CNTN1: variants seen among roughly 807,000 people sequenced by gnomAD.
CNTN1 encodes the protein contactin 1.
Under a neutral mutation model 126.4 loss-of-function variants are expected in CNTN1, and 38 were observed. The ratio of observed to expected loss-of-function variants is 0.30; its 90% CI spans 0.23 to 0.39. The LOEUF (loss-of-function observed/expected upper bound fraction) is 0.39, where lower values mean the gene tolerates loss of function less well. Among genes scored for constraint, CNTN1 ranks in the 10% least tolerant of loss-of-function variants. The pLI is 1.00. For synonymous variants in CNTN1, 413 were observed against 422.6 expected (o/e 0.98, Z 0.28); for missense variants, 1,009 against 1,248.4 (o/e 0.81, Z 2.89).
At chr12:40,778,911 TAGTC>T (rs1176913549) in intron 1 of CNTN1, among the ~76,000 whole-genome samples, 5 of 151,784 alleles carry the variant, frequency 3.3e-5, no homozygotes, top group African/African-American at 9.7e-5. Context: ...TTTTGGTTGA[TAGTC>T]AGGAAATTCC....
At chr12:40,878,407 G>A (rs1357371536) in intron 1 of CNTN1, among the ~76,000 whole-genome samples, 1 of 151,518 alleles carries the variant, frequency 6.6e-6, no homozygotes, top group South Asian at 2.1e-4. Context: ...ATTTTACAAA[G>A]AGGGCAAAAT....
At chr12:40,737,491 T>A (rs573565275) in intron 1 of CNTN1, among the ~76,000 whole-genome samples, 1,751 of 150,382 alleles carry the variant, frequency 0.012, 24 homozygotes, top group Non-Finnish European at 0.013. Flanking sequence ...GAACCTGGAG[T>A]CCGATGTTCA....
intron 1 of CNTN1, among the ~76,000 whole-genome samples, chr12:40,758,725 G>A (rs12812392): frequency 0.056 from 8,553 of 151,616 alleles, 338 homozygotes; most frequent in Non-Finnish European, 0.083. Context: ...TTTTTATACC[G>A]CACCCACTTA....
chr12:40,707,086 ACACC>A (rs1941776131), intron 1 of CNTN1, among the ~76,000 whole-genome samples: 1 of 127,118 alleles, frequency 7.9e-6, no homozygotes, highest in African/African-American at 3.1e-5. Flanking sequence ...ACACACACAC[ACACC>A]CCTGCTCAGA....
intron 1 of CNTN1, among the ~76,000 whole-genome samples, chr12:40,732,607 C>T (rs1368514684): frequency 2.0e-5 from 3 of 151,978 alleles, no homozygotes; most frequent in East Asian, 3.9e-4. Flanking sequence ...CTGTGATGGT[C>T]TTTAATGTCA....
chr12:40,774,578 A>G (rs1939502464), intron 1 of CNTN1, among the ~76,000 whole-genome samples: 1 of 151,762 alleles, frequency 6.6e-6, no homozygotes, highest in South Asian at 2.1e-4. Flanking sequence ...TATTTTAACA[A>G]ATAAATAAAC....
chr12:40,915,467 T>A (rs1472381881), intron 3 of CNTN1, among the ~76,000 whole-genome samples: 1 of 152,158 alleles, frequency 6.6e-6, no homozygotes, highest in East Asian at 1.9e-4. Flanking sequence ...AGTACAATTG[T>A]GTAACTGGTC....
At chr12:40,970,804 G>C (rs1346633839) in intron 15 of CNTN1, among the ~76,000 whole-genome samples, 1 of 152,036 alleles carries the variant, frequency 6.6e-6, no homozygotes, top group Non-Finnish European at 1.5e-5. Flanking sequence ...CCTAACCTAT[G>C]GTCTTAGGCT....
intron 1 of CNTN1, among the ~76,000 whole-genome samples, chr12:40,737,449 C>T (rs773699511): frequency 1.3e-5 from 2 of 149,784 alleles, no homozygotes; most frequent in Non-Finnish European, 3.0e-5. Context: ...AGCTGAGGAG[C>T]AAGGAGAGCC....
At chr12:40,918,213 A>G (rs930774550) in intron 3 of CNTN1, among the ~76,000 whole-genome samples, 1 of 152,156 alleles carries the variant, frequency 6.6e-6, no homozygotes, top group Non-Finnish European at 1.5e-5. Flanking sequence ...AGGAACTCAA[A>G]AGAGGACCAA....
intron 1 of CNTN1, among the ~76,000 whole-genome samples, chr12:40,696,691 C>T (rs1311695241): frequency 2.0e-5 from 3 of 152,098 alleles, no homozygotes; most frequent in African/African-American, 7.2e-5. Flanking sequence ...CATTATTTCA[C>T]TTCAATAATA....
chr12:40,787,026 A>G lies in CNTN1; in HGVS notation c.-77+94434A>G, dbSNP rs1467561578. Among the ~76,000 whole-genome samples the G allele has an allele frequency of 4.6e-5, 7 of 152,266 alleles. No individual in the cohort carries two copies. In the South Asian group the frequency reaches 8.3e-4, roughly 18 times the overall value. ...AACCAATATTTGTCATCAGCTCACT[A>G]TGATGTTCGTTATAGGCCAAGATTT... On this transcript the variant is annotated intron_variant, in intron 1 of 23. Transcript: ENST00000551295.
At chr12:40,996,584 A>C in intron 17 of CNTN1, among the ~76,000 whole-genome samples, 1 of 152,362 alleles carries the variant, frequency 6.6e-6, no homozygotes, top group Middle Eastern at 3.4e-3. Context: ...TCCTTTAAAA[A>C]TTTAATATGC....
chr12:40,937,752 T>G, intron 11 of CNTN1, 65 bp downstream of exon 11: 1 of 953,076 alleles, frequency 1.0e-6, no homozygotes, highest in Non-Finnish European at 1.7e-6. Flanking sequence ...CACAAAATGT[T>G]TATTGAGCCT....
intron 1 of CNTN1, among the ~76,000 whole-genome samples, chr12:40,860,763 A>G (rs1221286133): frequency 1.3e-5 from 2 of 152,038 alleles, no homozygotes; most frequent in Admixed American, 1.3e-4. Flanking sequence ...AGCTCTGCAA[A>G]CCCCAGCATT....
At position 40,728,309 on chromosome 12, in the gene CNTN1, G is replaced by A. The variant is rs373008975; in HGVS notation, c.-77+35717G>A. ...TCTGCTTTTTCTCCCTGCCTGTCCCGCTCCATAGTATCCTAAGCGTGTGGT... is the reference window on the plus strand; with the variant it reads ...TCTGCTTTTTCTCCCTGCCTGTCCCACTCCATAGTATCCTAAGCGTGTGGT... On this transcript the variant is annotated intron_variant, in intron 1 of 23. Coordinates refer to ENST00000551295, the MANE Select transcript of CNTN1 (RefSeq NM_001843.4). 3.9e-5 allele frequency among the ~76,000 whole-genome samples: 6 copies of A among 152,046 alleles called. No individual in the cohort carries two copies. In the East Asian group the frequency reaches 5.8e-4, roughly 15 times the overall value.
intron 1 of CNTN1, among the ~76,000 whole-genome samples, chr12:40,785,115 A>G (rs1327278623): frequency 6.6e-6 from 1 of 152,220 alleles, no homozygotes; most frequent in African/African-American, 2.4e-5. Flanking sequence ...GATTTCAGAT[A>G]TTGGAAGTAT....
chr12:40,795,213 T>C (rs1447232967), intron 1 of CNTN1, among the ~76,000 whole-genome samples: 1 of 151,308 alleles, frequency 6.6e-6, no homozygotes, highest in African/African-American at 2.4e-5. Context: ...TTGCCAACCC[T>C]ACACCCACAT....
intron 23 of CNTN1, among the ~76,000 whole-genome samples, chr12:41,066,260 G>T (rs1407153683): frequency 6.6e-6 from 1 of 152,230 alleles, no homozygotes. Flanking sequence ...TCATAGGAAG[G>T]TATAACCCCT....
Sources: gnomAD v4.1 joint callset for allele counts (sites outside exome capture counted in the v4.1 genomes callset) on GRCh38, gnomAD v4.1.1 for gene constraint, MANE v1.5 for transcripts, NCBI Gene and HGNC (gene_info 2026-07-23, HGNC 2026-07-21) for gene names.